JMJD1C: variants seen among roughly 807,000 people sequenced by gnomAD.
JMJD1C encodes the protein jumonji domain-containing protein 1C.
JMJD1C carries 31 observed loss-of-function variants against 245.3 expected under a neutral mutation model. The ratio of observed to expected loss-of-function variants is 0.13; its 90% CI spans 0.09 to 0.17. The LOEUF is 0.17. Ranked by LOEUF, JMJD1C falls within the 10% of genes least tolerant of loss-of-function variation. The pLI is 1.00. For missense variants in JMJD1C, 2,691 were observed against 3,000.2 expected (o/e 0.90, Z 2.41); for synonymous variants, 1,057 against 1,017.4 (o/e 1.04, Z -0.74).
intron 3 of JMJD1C, among the ~76,000 whole-genome samples, chr10:63,224,116 AT>A (rs1848965076): frequency 6.6e-6 from 1 of 152,134 alleles, no homozygotes; most frequent in Non-Finnish European, 1.5e-5. Flanking sequence ...ATATACAAAT[AT>A]TTTTCCAACA....
At chr10:63,331,272 AAT>A (rs1382890542) in intron 2 of JMJD1C, among the ~76,000 whole-genome samples, 2 of 152,170 alleles carry the variant, frequency 1.3e-5, no homozygotes, top group Non-Finnish European at 2.9e-5. Context: ...GCCCTATAAA[AAT>A]ATGTCCAATC....
chr10:63,353,763 T>C (rs1944566347), intron 2 of JMJD1C, among the ~76,000 whole-genome samples: 1 of 152,084 alleles, frequency 6.6e-6, no homozygotes, highest in African/African-American at 2.4e-5. Context: ...CGCCTCAGCC[T>C]CCCAAGCGCT....
rs774974593 is a variant in JMJD1C, at chr10:63,168,032, A to T, written c.*13T>A. The stretch of plus-strand genomic sequence containing the variant: ...CCAGTTCAACAACCTAAAAATATCA[A>T]ACTGGATCACACTTAATTTTCTTCC... On this transcript the variant is annotated 3_prime_UTR_variant, in exon 26 of 26. Transcript: ENST00000399262. 25 of 1,460,530 alleles carry T rather than the reference A, an allele frequency of 1.7e-5. No homozygotes were observed. In the East Asian group the frequency reaches 4.8e-4, roughly 28 times the overall value. 90.5% of individuals were successfully genotyped at this position (1,460,530 alleles called of 1,614,324 possible).
upstream of JMJD1C, among the ~76,000 whole-genome samples, chr10:63,466,864 T>C (rs1261740831): frequency 1.3e-5 from 2 of 152,234 alleles, no homozygotes; most frequent in Non-Finnish European, 2.9e-5. Flanking sequence ...CAATCACTCT[T>C]CTTTGATCAA....
intron 2 of JMJD1C, among the ~76,000 whole-genome samples, chr10:63,281,319 T>C (rs1857360699): frequency 7.0e-6 from 1 of 143,192 alleles, no homozygotes; most frequent in Non-Finnish European, 1.5e-5. Context: ...GTTTTTTTTT[T>C]TTGTTTGTTT....
At chr10:63,211,683 C>A (rs753824683) in intron 8 of JMJD1C, among the ~76,000 whole-genome samples, 91 of 151,774 alleles carry the variant, frequency 6.0e-4, no homozygotes, top group Non-Finnish European at 4.4e-4. Flanking sequence ...CCACCCCCAA[C>A]TGTGATCTCA....
At chr10:63,222,108 A>G in intron 3 of JMJD1C, 1 of 605,726 alleles carries the variant, frequency 1.7e-6, no homozygotes, top group Non-Finnish European at 3.0e-6. Flanking sequence ...TCACTTTAAA[A>G]CTTCCTTACA....
intron 3 of JMJD1C, 58 bp from the exon 4 acceptor site, chr10:63,220,041 C>A: frequency 7.9e-7 from 1 of 1,267,008 alleles, no homozygotes; most frequent in Non-Finnish European, 1.1e-6. Flanking sequence ...TTAATGTTAC[C>A]GACTTTCCCT....
At chr10:63,423,437 T>A (rs905306005) in intron 1 of JMJD1C, among the ~76,000 whole-genome samples, 1 of 152,216 alleles carries the variant, frequency 6.6e-6, no homozygotes, top group African/African-American at 2.4e-5. Flanking sequence ...TTACTTCACA[T>A]AGTATAGTGT....
At chr10:63,427,748 T>C (rs1395627852) in intron 1 of JMJD1C, 10 of 1,370,550 alleles carry the variant, frequency 7.3e-6, no homozygotes, top group Non-Finnish European at 1.0e-5. Context: ...CTTGCCCAGT[T>C]CAAAAGCAAC....
chr10:63,451,580 T>C (rs376565582), intron 1 of JMJD1C, among the ~76,000 whole-genome samples: 12 of 152,242 alleles, frequency 7.9e-5, no homozygotes, highest in Non-Finnish European at 1.8e-4. Context: ...AAGTACTATA[T>C]AGCACTGACA....
chr10:63,195,942 A>C (rs1845408770), intron 13 of JMJD1C, among the ~76,000 whole-genome samples: 1 of 150,796 alleles, frequency 6.6e-6, no homozygotes, highest in Non-Finnish European at 1.5e-5. Context: ...AAAAGAAAAA[A>C]GAATGATACG....
chr10:63,275,122 G>A (rs1054362424), intron 2 of JMJD1C, among the ~76,000 whole-genome samples: 1 of 152,094 alleles, frequency 6.6e-6, no homozygotes. Context: ...TAAAAAAATG[G>A]ACACTCGAGT....
chr10:63,433,671 G>A (rs780887963), intron 1 of JMJD1C, among the ~76,000 whole-genome samples: 5 of 145,728 alleles, frequency 3.4e-5, no homozygotes, highest in African/African-American at 5.1e-5. Context: ...CTGCAGTTTC[G>A]ACCTCTGGCA....
At chr10:63,412,180 T>G (rs577883713) in intron 1 of JMJD1C, among the ~76,000 whole-genome samples, 1 of 152,118 alleles carries the variant, frequency 6.6e-6, no homozygotes, top group East Asian at 1.9e-4. Flanking sequence ...TGACTCCCCA[T>G]AAAATTAACT....
At chr10:63,496,748 T>C (rs1314519071) in intron 1 of JMJD1C, among the ~76,000 whole-genome samples, 1 of 152,248 alleles carries the variant, frequency 6.6e-6, no homozygotes, top group East Asian at 1.9e-4. Flanking sequence ...AGTCAGTTTA[T>C]ATTTCCCTGC....
intron 3 of JMJD1C, among the ~76,000 whole-genome samples, chr10:63,224,651 C>T (rs1004131633): frequency 2.0e-5 from 3 of 152,102 alleles, no homozygotes; most frequent in Admixed American, 2.0e-4. Context: ...GTCAACAAGG[C>T]TGACTTACAG....
chr10:63,268,780 T>C (rs1025590196), intron 2 of JMJD1C: 49 of 985,522 alleles, frequency 5.0e-5, no homozygotes, highest in Non-Finnish European at 5.7e-5. Context: ...CTAGTGTAAA[T>C]ACTTCTTTAG....
At chr10:63,505,708 C>A (rs1438332237) in intron 1 of JMJD1C, among the ~76,000 whole-genome samples, 1 of 151,782 alleles carries the variant, frequency 6.6e-6, no homozygotes, top group Non-Finnish European at 1.5e-5. Flanking sequence ...TGAGCATAGG[C>A]TGTACAAACA....
Sources: gnomAD v4.1 joint callset for allele counts (sites outside exome capture counted in the v4.1 genomes callset) on GRCh38, gnomAD v4.1.1 for gene constraint, MANE v1.5 for transcripts, NCBI Gene and HGNC (gene_info 2026-07-23, HGNC 2026-07-21) for gene names.